The following DHCR7 variants were observed in gnomAD, a reference collection of about 807,000 sequenced individuals.
DHCR7 encodes 7-dehydrocholesterol reductase.
In DHCR7, 40 loss-of-function variants were observed where a neutral mutation model predicts 43.3. That is an observed-to-expected ratio of 0.92 (90% CI 0.72 to 1.20). DHCR7 has a LOEUF of 1.20. DHCR7 is among the 50% of genes most tolerant of loss of function. The pLI is 0.00. For missense variants in DHCR7, 608 were observed against 644.6 expected, an observed-to-expected ratio of 0.94 and a Z score of 0.62; for synonymous variants, 298 against 271.4, an observed-to-expected ratio of 1.10 and a Z score of -0.96.
intron 8 of DHCR7, among the ~76,000 whole-genome samples, chr11:71,436,728 G>T (rs1949285815): frequency 6.6e-6 from 1 of 151,598 alleles, no homozygotes; most frequent in Non-Finnish European, 1.5e-5. Context: ...GCTCCAGGCT[G>T]CCCTGAAGAT....
exon 3 of DHCR7, chr11:71,428,537 C>G (rs1949212212): frequency 5.4e-6 from 1 of 185,724 alleles, no homozygotes; most frequent in East Asian, 1.5e-4. Flanking sequence ...TTTTTTTGCA[C>G]AGGACACTGC....
intron 4 of DHCR7, among the ~76,000 whole-genome samples, chr11:71,442,739 G>A (rs1034346034): frequency 6.6e-5 from 10 of 152,112 alleles, no homozygotes; most frequent in East Asian, 1.9e-4. Context: ...TCACCGCAGC[G>A]TTGTCCTCCT....
intron 4 of DHCR7, among the ~76,000 whole-genome samples, chr11:71,442,636 A>C (rs1340048026): frequency 2.0e-5 from 3 of 152,140 alleles, no homozygotes; most frequent in Non-Finnish European, 4.4e-5. Context: ...AGAATCCCAT[A>C]AAATTCAACT....
upstream of DHCR7, chr11:71,448,671 G>C (rs1949431851): frequency 6.6e-6 from 1 of 152,248 alleles, no homozygotes; most frequent in Admixed American, 6.5e-5. Flanking sequence ...GCGTGGCGGA[G>C]TGGCCACGTG....
downstream of DHCR7, among the ~76,000 whole-genome samples, chr11:71,433,019 T>C (rs1792270): frequency 0.85 from 129,982 of 152,226 alleles, 56,477 homozygotes; most frequent in Non-Finnish European, 0.95. Context: ...CATGGGAAAA[T>C]AGCCTCTCTG....
In DHCR7 at chr11:71,444,233, GGCAGTCACACTGGGGCCCATCT is replaced by G; in HGVS notation, c.99-40_99-19del. ...CCACCTCCCTGCGAGGACGGATGCAGGCAGTCACACTGGGGCCCATCTGCCCTGGGCCCCACCAGGACCCTAA... is the reference window on the plus strand; with the variant it reads ...CCACCTCCCTGCGAGGACGGATGCAGGCCCTGGGCCCCACCAGGACCCTAA... On this transcript the variant is annotated intron_variant, in intron 3 of 8. Coordinates refer to ENST00000355527, the MANE Select transcript of DHCR7 (RefSeq NM_001360.3). 1 of 1,560,854 alleles carries G rather than the reference GGCAGTCACACTGGGGCCCATCT, an allele frequency of 6.4e-7. No individual in the cohort carries two copies. The highest frequency in any genetic ancestry group is 1.2e-5 in the South Asian group (1 of 85,226).
downstream of DHCR7, among the ~76,000 whole-genome samples, chr11:71,429,420 AG>A (rs1358008527): frequency 6.6e-6 from 1 of 152,194 alleles, no homozygotes; most frequent in East Asian, 1.9e-4. Context: ...GGGCGGGGGC[AG>A]GAGGCAGGGA....
downstream of DHCR7, among the ~76,000 whole-genome samples, chr11:71,431,419 C>CTGCTGGGCATTTGGCT (rs937673045): frequency 1.3e-5 from 2 of 152,170 alleles, no homozygotes; most frequent in Non-Finnish European, 2.9e-5. Context: ...TGCCTCCTGT[C>CTGCTGGGCATTTGGCT]GCTATCACTG....
At chr11:71,442,124 T>G in intron 5 of DHCR7, 139 bp downstream of exon 5, 4 of 705,310 alleles carry the variant, frequency 5.7e-6, no homozygotes, top group Non-Finnish European at 1.0e-5. Context: ...TTTTGAGGCC[T>G]GGTGCTGTGA....
Position 71,439,942 on chromosome 11 carries a change from T to C in DHCR7, c.627-859A>G, listed in dbSNP as rs1236182845. 2.6e-5 allele frequency among the ~76,000 whole-genome samples: 4 copies of C among 152,304 alleles called. No homozygotes were observed. The East Asian group carries it at 5.8e-4, about 22-fold the overall frequency. ...TAGGTGTAAACCACACTGGGGTTTT[T>C]TGGATCCCCCAAACTGAACTGTAAG... On this transcript the variant is annotated intron_variant, in intron 6 of 8. Transcript: ENST00000355527.
In DHCR7 at chr11:71,441,331, G is replaced by A. The variant is rs140648594; in HGVS notation, c.522C>T (p.Phe174=). 79 of 1,614,102 alleles carry A rather than the reference G, an allele frequency of 4.9e-5. No individual in the cohort carries two copies. The Middle Eastern group carries it at 6.6e-4, about 13-fold the overall frequency. Residue 174 remains phenylalanine, a synonymous_variant, in exon 6 of 9, where the codon TTC becomes TTT. Transcript: ENST00000355527. ...LLSWFSPTII[F]DNWIPLLWCA... is the part of the protein sequence containing the mutation. The stretch of plus-strand genomic sequence containing the variant: ...ACCACAGCAGTGGGATCCAGTTGTC[G>A]AAGATGATGGTGGGCGAGAACCAGG...
At chr11:71,441,525 C>T in intron 5 of DHCR7, 85 bp from the exon 6 acceptor site, 2 of 1,201,554 alleles carry the variant, frequency 1.7e-6, no homozygotes, top group Non-Finnish European at 1.2e-6. Flanking sequence ...CTGGCGGGGG[C>T]CCTGGTCACT....
intron 6 of DHCR7, among the ~76,000 whole-genome samples, chr11:71,439,658 T>A (rs996615304): frequency 6.6e-6 from 1 of 152,178 alleles, no homozygotes; most frequent in African/African-American, 2.4e-5. Context: ...GGCCAGAGCA[T>A]CAGCCGAGAT....
At chr11:71,431,019 G>A (rs1016629638), downstream of DHCR7, among the ~76,000 whole-genome samples, 5 of 152,160 alleles carry the variant, frequency 3.3e-5, no homozygotes, top group African/African-American at 1.2e-4. Flanking sequence ...GCCGGGTATG[G>A]TGGTGCATGC....
Position 71,444,121 on chromosome 11 carries a change from T to C in DHCR7, c.193A>G (p.Ser65Gly). 1 of 1,612,144 alleles carries C rather than the reference T, an allele frequency of 6.2e-7. No individual in the cohort carries two copies. The highest frequency in any genetic ancestry group is 8.5e-7 in the Non-Finnish European group (1 of 1,179,270). The change falls in exon 4 of 9, where the codon AGC (serine) becomes GGC (glycine). Residue 65 changes from serine to glycine, a missense_variant. Coordinates refer to ENST00000355527, the MANE Select transcript of DHCR7 (RefSeq NM_001360.3). ...ACCACAGGGCCAGTCAGGGCGCAGC[T>C]GTACTGGTCACAAGCCATGATGAAG... ...YYFIMACDQY[S>G]CALTGPVVDI...
intron 4 of DHCR7, among the ~76,000 whole-genome samples, chr11:71,443,267 A>G (rs189645623): frequency 2.0e-5 from 3 of 152,244 alleles, no homozygotes; most frequent in Admixed American, 2.0e-4. Context: ...TTTTTCACTC[A>G]AAGGGACCAA....
At position 71,440,283 on chromosome 11, in the gene DHCR7, G is replaced by A. The variant is rs556617182; in HGVS notation, c.626+944C>T. 2.0e-5 allele frequency among the ~76,000 whole-genome samples: 3 copies of A among 152,314 alleles called. No homozygotes were observed. In the East Asian group the frequency reaches 5.8e-4, roughly 29 times the overall value. On this transcript the variant is annotated intron_variant, in intron 6 of 8. Coordinates refer to ENST00000355527, the MANE Select transcript of DHCR7 (RefSeq NM_001360.3). ...ATGAGATGATGCATTCCTTCCCCTC[G>A]GCACATGCCATTACAGGCCCTGATA... is the stretch of plus-strand genomic sequence containing the variant.
chr11:71,428,745 A>G, exon 3 of DHCR7: 2 of 443,950 alleles, frequency 4.5e-6, no homozygotes, highest in Non-Finnish European at 9.0e-6. Context: ...GAAACAGCCC[A>G]GATGGTTCTG....
chr11:71,430,500 G>GTGGTGGTA (rs1472480744), downstream of DHCR7, among the ~76,000 whole-genome samples: 5 of 7,138 alleles, frequency 7.0e-4, no homozygotes, highest in Non-Finnish European at 6.7e-3. Flanking sequence ...CCATTTGTGG[G>GTGGTGGTA]TGGTGGTGTG....
Sources: allele counts gnomAD v4.1 joint callset (sites outside exome capture counted in the v4.1 genomes callset), GRCh38; gene constraint gnomAD v4.1.1; transcripts MANE v1.5; gene names NCBI Gene and HGNC (gene_info 2026-07-23, HGNC 2026-07-21).